The following LEMD1 variants were observed in gnomAD, a reference collection of about 807,000 sequenced individuals.
LEMD1 encodes LEM domain-containing protein 1.
A neutral mutation model predicts 17.4 loss-of-function variants in LEMD1; 18 were observed. The observed-to-expected ratio is 1.04, with a 90% CI of 0.72 to 1.54. LEMD1 has a LOEUF of 1.54. LEMD1 is among the 40% of genes most tolerant of loss of function. The pLI, the probability that LEMD1 is intolerant of heterozygous loss-of-function variation, is 0.00. For missense variants in LEMD1, 195 were observed against 210.4 expected, an observed-to-expected ratio of 0.93 and a Z score of 0.45; for synonymous variants, 88 against 77.8, an observed-to-expected ratio of 1.13 and a Z score of -0.69.
intron 4 of LEMD1, among the ~76,000 whole-genome samples, chr1:205,396,618 C>G (rs971988846): frequency 2.4e-4 from 36 of 152,234 alleles, no homozygotes; most frequent in African/African-American, 8.4e-4. Context: ...AATAAATGAA[C>G]TAAAGCTACC....
At chr1:205,426,716 G>A (rs372190533), upstream of LEMD1, among the ~76,000 whole-genome samples, 14 of 152,316 alleles carry the variant, frequency 9.2e-5, no homozygotes, top group African/African-American at 3.4e-4. Flanking sequence ...GAGAGCTCCA[G>A]GATTTCCCTG....
At chr1:205,397,818 A>T (rs940685834) in intron 4 of LEMD1, among the ~76,000 whole-genome samples, 4 of 152,216 alleles carry the variant, frequency 2.6e-5, no homozygotes, top group Admixed American at 2.0e-4. Flanking sequence ...TTCTTAGATG[A>T]AAAAGAAAAG....
chr1:205,416,149 C>A, intron 4 of LEMD1, 83 bp downstream of exon 4: 1 of 814,564 alleles, frequency 1.2e-6, no homozygotes, highest in South Asian at 1.8e-5. Flanking sequence ...ACTTGCTATC[C>A]CCTTTCTTAA....
chr1:205,386,878 T>C (rs899656480), intron 4 of LEMD1: 1 of 152,200 alleles, frequency 6.6e-6, no homozygotes, highest in African/African-American at 2.4e-5. Context: ...TCCAAGGGTA[T>C]TGGAAAAATC....
At chr1:205,399,304 A>T (rs1343277855) in intron 4 of LEMD1, among the ~76,000 whole-genome samples, 17 of 152,200 alleles carry the variant, frequency 1.1e-4, no homozygotes. Context: ...TCACTGTCAG[A>T]TAAGTGATTT....
At chr1:205,384,919 C>G (rs1288955138) in intron 4 of LEMD1, among the ~76,000 whole-genome samples, 1 of 151,360 alleles carries the variant, frequency 6.6e-6, no homozygotes, top group Non-Finnish European at 1.5e-5. Flanking sequence ...CTCACTGAGG[C>G]CTTCCAGTGA....
chr1:205,394,688 T>C (rs1392952267), intron 4 of LEMD1, among the ~76,000 whole-genome samples: 1 of 152,110 alleles, frequency 6.6e-6, no homozygotes, highest in Non-Finnish European at 1.5e-5. Flanking sequence ...TCTGGCCTAT[T>C]GATTTATTTA....
intron 1 of LEMD1, among the ~76,000 whole-genome samples, chr1:205,434,667 C>T (rs1399411906): frequency 6.6e-6 from 1 of 152,118 alleles, no homozygotes; most frequent in African/African-American, 2.4e-5. Context: ...TCACGGAGTT[C>T]CAGGAGACCT....
chr1:205,426,946 A>AG (rs1666065235), upstream of LEMD1, among the ~76,000 whole-genome samples: 1 of 152,136 alleles, frequency 6.6e-6, no homozygotes, highest in Non-Finnish European at 1.5e-5. Context: ...ATGATAATGA[A>AG]CAGTAGTGGA....
chr1:205,430,963 C>A (rs1031452988), intron 1 of LEMD1, among the ~76,000 whole-genome samples: 4 of 152,188 alleles, frequency 2.6e-5, no homozygotes, highest in Non-Finnish European at 4.4e-5. Flanking sequence ...CAGCTCAATT[C>A]GGCTGAGGCT....
intron 1 of LEMD1, among the ~76,000 whole-genome samples, chr1:205,428,560 G>A (rs112645109): frequency 6.6e-6 from 1 of 152,146 alleles, no homozygotes; most frequent in Non-Finnish European, 1.5e-5. Context: ...TGGAGTGAAC[G>A]AGAACCTTTC....
At chr1:205,418,570 C>T (rs918519435) in intron 3 of LEMD1, among the ~76,000 whole-genome samples, 1 of 152,156 alleles carries the variant, frequency 6.6e-6, no homozygotes, top group African/African-American at 2.4e-5. Flanking sequence ...GGCTGGAGTA[C>T]AGTGGTGCCA....
chr1:205,381,928 G>A lies in LEMD1; in HGVS notation c.348-72C>T, dbSNP rs1663720711. 1.2e-5 allele frequency: 17 copies of A among 1,462,316 alleles called. No homozygotes were observed. The South Asian group carries it at 1.9e-4, about 17-fold the overall frequency. 90.6% of individuals were successfully genotyped at this position (1,462,316 alleles called of 1,614,324 possible). ...ACTTGAGTAGCCCCTTAAAGTGTGT[G>A]GGTCTTGAAGCCCAAGGGTGCAGTC... On this transcript the variant is annotated intron_variant, in intron 5 of 5. Coordinates refer to ENST00000367153, the MANE Select transcript of LEMD1 (RefSeq NM_001199050.2).
chr1:205,435,609 C>T (rs1303981659), intron 1 of LEMD1: 1 of 152,232 alleles, frequency 6.6e-6, no homozygotes, highest in Non-Finnish European at 1.5e-5. Context: ...ATTTAATTAT[C>T]TATCCCCTTT....
intron 1 of LEMD1, among the ~76,000 whole-genome samples, chr1:205,447,322 C>A (rs976691299): frequency 6.6e-6 from 1 of 152,170 alleles, no homozygotes; most frequent in Non-Finnish European, 1.5e-5. Context: ...CGGTTAGAAT[C>A]ATGGGGTACA....
At chr1:205,433,950 G>A (rs556488437) in intron 1 of LEMD1, among the ~76,000 whole-genome samples, 6 of 152,302 alleles carry the variant, frequency 3.9e-5, no homozygotes, top group Non-Finnish European at 5.9e-5. Context: ...CTCTCAGGGC[G>A]TCCTGCTTCA....
At position 205,448,107 on chromosome 1, in the gene LEMD1, C is replaced by A. The variant is rs967789352; in HGVS notation, c.-39+1761G>T. Among the ~76,000 whole-genome samples, 1 of 152,176 alleles carries A rather than the reference C, an allele frequency of 6.6e-6. No individual in the cohort carries two copies. Among genetic ancestry groups the A allele is most frequent in the Non-Finnish European group, 1.5e-5 (1 of 68,034 alleles). On this transcript the variant is annotated intron_variant, in intron 1 of 3. Coordinates refer to the LEMD1 transcript ENST00000367154. This position sits in a 1 kb window ranked among gnomAD's most constrained non-coding sequence, Gnocchi z 4.7. The stretch of plus-strand genomic sequence containing the variant: ...AGAGGGAATCTCCCTCTGGAATCAC[C>A]GGCCCAGTCTCTTCATTCCAGAGTG...
chr1:205,444,959 C>A (rs1364101943), intron 1 of LEMD1, among the ~76,000 whole-genome samples: 2 of 151,722 alleles, frequency 1.3e-5, no homozygotes, highest in Non-Finnish European at 2.9e-5. Context: ...CTCGACGCCT[C>A]TAGAACAAAG....
chr1:205,403,133 G>A (rs1156593886), intron 4 of LEMD1, among the ~76,000 whole-genome samples: 4 of 152,132 alleles, frequency 2.6e-5, no homozygotes, highest in African/African-American at 7.2e-5. Context: ...TTGCATCAAT[G>A]TTCATCAAGG....
Sources: allele counts gnomAD v4.1 joint callset (sites outside exome capture counted in the v4.1 genomes callset), GRCh38; gene constraint gnomAD v4.1.1; non-coding constraint Gnocchi (gnomAD v3.1); transcripts MANE v1.5; gene names NCBI Gene and HGNC (gene_info 2026-07-23, HGNC 2026-07-21).